CTIF: variants seen among roughly 807,000 people sequenced by gnomAD.
The protein encoded by CTIF is cap binding complex dependent translation initiation factor.
CTIF carries 21 observed loss-of-function variants against 66.0 expected under a neutral mutation model. That is an observed-to-expected ratio of 0.32 (90% CI 0.23 to 0.46). The LOEUF (loss-of-function observed/expected upper bound fraction) is 0.46. Among genes scored for constraint, CTIF ranks in the 20% least tolerant of loss-of-function variants. The pLI, the probability that CTIF is intolerant of heterozygous loss-of-function variation, is 1.00. For synonymous variants in CTIF, 345 were observed against 326.4 expected (o/e 1.06, Z -0.62); for missense variants, 739 against 812.7 (o/e 0.91, Z 1.10).
At chr18:48,568,791 G>A (rs2089343736) in intron 1 of CTIF, among the ~76,000 whole-genome samples, 1 of 152,046 alleles carries the variant, frequency 6.6e-6, no homozygotes, top group Admixed American at 6.6e-5. Context: ...CAGAGGAACT[G>A]CCCTTTATAA....
At chr18:48,796,853 T>G (rs1184847423) in intron 9 of CTIF, among the ~76,000 whole-genome samples, 1 of 152,214 alleles carries the variant, frequency 6.6e-6, no homozygotes, top group Non-Finnish European at 1.5e-5. Flanking sequence ...TGACGAGAAT[T>G]GTTTCCCCTA....
intron 1 of CTIF, among the ~76,000 whole-genome samples, chr18:48,572,486 C>T (rs2089438761): frequency 6.6e-6 from 1 of 152,178 alleles, no homozygotes; most frequent in Non-Finnish European, 1.5e-5. Context: ...ACTGAGGAAA[C>T]TCCGGCTCAG....
intron 9 of CTIF, among the ~76,000 whole-genome samples, chr18:48,784,587 G>A (rs1357456506): frequency 6.6e-6 from 1 of 152,120 alleles, no homozygotes; most frequent in Non-Finnish European, 1.5e-5. Context: ...TCTGCAGCAG[G>A]ATGGAGGAGG....
intron 5 of CTIF, 30 bp downstream of exon 5, chr18:48,664,581 T>A: frequency 6.3e-7 from 1 of 1,590,704 alleles, no homozygotes; most frequent in East Asian, 2.2e-5. Context: ...TTACCCAGGG[T>A]GGGGTGGGGC....
chr18:48,561,235 C>T (rs1407151566), intron 1 of CTIF, among the ~76,000 whole-genome samples: 2 of 92,356 alleles, frequency 2.2e-5, no homozygotes, highest in Admixed American at 2.6e-4. Flanking sequence ...GACTCTGTCT[C>T]AAAAAAAAAA....
intron 3 of CTIF, chr18:48,662,235 G>GGGGATGGGACAGGAAA (rs2091358192): frequency 2.0e-5 from 3 of 152,520 alleles, no homozygotes. Flanking sequence ...AGGGGATTAC[G>GGGGATGGGACAGGAAA]GGGATGGGAC....
intron 7 of CTIF, among the ~76,000 whole-genome samples, chr18:48,728,324 C>G (rs746774845): frequency 9.2e-5 from 14 of 152,186 alleles, no homozygotes; most frequent in Non-Finnish European, 1.8e-4. Flanking sequence ...AGTACCAAAG[C>G]CACTCTCACA....
At chr18:48,554,344 T>A (rs897071249) in intron 1 of CTIF, among the ~76,000 whole-genome samples, 1 of 152,216 alleles carries the variant, frequency 6.6e-6, no homozygotes, top group Non-Finnish European at 1.5e-5. Context: ...CTCTCTAGAA[T>A]GAACTGTGTG....
At chr18:48,851,728 C>G (rs1401414282) in intron 10 of CTIF, among the ~76,000 whole-genome samples, 2 of 152,148 alleles carry the variant, frequency 1.3e-5, no homozygotes, top group Non-Finnish European at 2.9e-5. Context: ...GCGGCTGCTT[C>G]CCCAGCTGCC....
At chr18:48,729,208 C>T (rs1410353824) in intron 7 of CTIF, among the ~76,000 whole-genome samples, 1 of 152,140 alleles carries the variant, frequency 6.6e-6, no homozygotes, top group Non-Finnish European at 1.5e-5. Flanking sequence ...ACCCCTCTTA[C>T]CCAGGGGGTC....
chr18:48,665,539 A>G (rs1287713457), intron 5 of CTIF, among the ~76,000 whole-genome samples: 1 of 152,224 alleles, frequency 6.6e-6, no homozygotes, highest in Non-Finnish European at 1.5e-5. Context: ...GGCATTTAGT[A>G]TGCTAGACCT....
At position 48,761,435 on chromosome 18, in the gene CTIF, G is replaced by A. The variant is rs1422209469; in HGVS notation, c.1117G>A (p.Asp373Asn). The A allele has an allele frequency of 5.6e-6, 9 of 1,614,096 alleles. No homozygotes were observed. Among genetic ancestry groups the A allele is most frequent in the Non-Finnish European group, 7.6e-6 (9 of 1,180,046 alleles). Residue 373 changes from aspartate (D) to asparagine (N), a missense_variant, in exon 9 of 12, where the codon GAC (aspartate) becomes AAC (asparagine). By Grantham distance (23) the Asp-to-Asn change is conservative. Coordinates refer to ENST00000256413, the MANE Select transcript of CTIF (RefSeq NM_014772.3). The surrounding 1 kb of genome is among the most constrained non-coding windows in gnomAD (Gnocchi z 4.2). The part of the protein sequence containing the change: ...ETTTPQQNKM[D>N]KLIEILNSMR... ...GACCACTCCCCAGCAGAACAAGATG[G>A]ACAAGCTGATCGAGATCCTGAACAG...
intron 3 of CTIF, 49 bp from the exon 4 acceptor site, chr18:48,663,703 A>G (rs941768814): frequency 6.4e-7 from 1 of 1,570,666 alleles, no homozygotes; most frequent in Non-Finnish European, 8.8e-7. Context: ...TGTTCTCAGC[A>G]TCCTGGCCGA....
intron 10 of CTIF, among the ~76,000 whole-genome samples, chr18:48,852,989 C>T (rs1182329806): frequency 6.6e-6 from 1 of 152,012 alleles, no homozygotes; most frequent in Non-Finnish European, 1.5e-5. Flanking sequence ...AACCACATCC[C>T]CCTCACTCTC....
chr18:48,539,033 T>C lies in CTIF; in HGVS notation c.-308T>C, dbSNP rs1388460283. The stretch of plus-strand genomic sequence containing the variant: ...GGGGAGGGCGGGGCCTGAACGTCAC[T>C]CTCCTACATTCTCTTTCCCTGTGTC... On this transcript the variant is annotated 5_prime_UTR_variant, in exon 1 of 12. Coordinates refer to ENST00000256413, the MANE Select transcript of CTIF (RefSeq NM_014772.3). The C allele has an allele frequency of 6.6e-6, 1 of 152,268 alleles. No individual in the cohort carries two copies. The highest frequency in any genetic ancestry group is 1.5e-5 in the Non-Finnish European group (1 of 68,088). 9.4% of individuals were successfully genotyped at this position (152,268 alleles called of 1,614,324 possible).
chr18:48,718,891 A>G (rs961427290), intron 7 of CTIF, among the ~76,000 whole-genome samples: 3 of 152,132 alleles, frequency 2.0e-5, no homozygotes, highest in African/African-American at 7.2e-5. Context: ...CATGAAGGTG[A>G]GCACTCAGAG....
At chr18:48,734,298 G>C (rs377607012) in intron 7 of CTIF, among the ~76,000 whole-genome samples, 1 of 152,218 alleles carries the variant, frequency 6.6e-6, no homozygotes, top group Non-Finnish European at 1.5e-5. Flanking sequence ...GGGCTCAGTG[G>C]CTCACGCCTG....
chr18:48,592,996 A>G (rs915633183), intron 1 of CTIF, among the ~76,000 whole-genome samples: 3 of 152,250 alleles, frequency 2.0e-5, no homozygotes, highest in Admixed American at 6.5e-5. Context: ...GCTGGTGTCT[A>G]TACAGCCCAT....
At chr18:48,540,823 C>A (rs923543955) in intron 1 of CTIF, among the ~76,000 whole-genome samples, 3 of 152,052 alleles carry the variant, frequency 2.0e-5, no homozygotes, top group African/African-American at 7.2e-5. Flanking sequence ...CCCTCCTTGT[C>A]TAAGTCGGGG....
Sources: gnomAD v4.1 joint callset for allele counts (sites outside exome capture counted in the v4.1 genomes callset) on GRCh38, gnomAD v4.1.1 for gene constraint, Gnocchi (gnomAD v3.1) non-coding constraint, MANE v1.5 for transcripts, NCBI Gene and HGNC (gene_info 2026-07-23, HGNC 2026-07-21) for gene names.